The following FCHSD2 variants were observed in gnomAD, a reference collection of about 807,000 sequenced individuals.
FCHSD2 encodes the protein FCH and double SH3 domains 2.
Under a neutral mutation model 108.1 loss-of-function variants are expected in FCHSD2, and 38 were observed. That is an observed-to-expected ratio of 0.35 (90% CI 0.27 to 0.46). The LOEUF is 0.46. Among genes scored for constraint, FCHSD2 ranks in the 20% least tolerant of loss-of-function variants. The probability of loss-of-function intolerance (pLI) is 1.00; values close to 1 mark genes in which losing one functional copy is unlikely to be tolerated. For missense variants in FCHSD2, 751 were observed against 897.8 expected, an observed-to-expected ratio of 0.84 and a Z score of 2.09; for synonymous variants, 279 against 314.7, an observed-to-expected ratio of 0.89 and a Z score of 1.20.
chr11:72,945,534 C>A (rs1269376371), intron 8 of FCHSD2, among the ~76,000 whole-genome samples: 11 of 151,998 alleles, frequency 7.2e-5, no homozygotes, highest in Admixed American at 2.0e-4. Context: ...GCAACAAAAG[C>A]CAAAATTGAC....
chr11:73,030,833 A>C (rs958052732), intron 3 of FCHSD2, among the ~76,000 whole-genome samples: 1 of 152,148 alleles, frequency 6.6e-6, no homozygotes, highest in Non-Finnish European at 1.5e-5. Context: ...TGCCTAGAGC[A>C]CCTAAAGCCT....
At chr11:73,052,717 A>G (rs560158842) in intron 3 of FCHSD2, among the ~76,000 whole-genome samples, 3 of 152,214 alleles carry the variant, frequency 2.0e-5, no homozygotes, top group Non-Finnish European at 1.5e-5. Flanking sequence ...CGGTATTTTT[A>G]ATAATCTTCA....
At position 72,840,890 on chromosome 11, in the gene FCHSD2, C is replaced by T. The variant is rs202178689; in HGVS notation, c.2126G>A (p.Gly709Asp). Residue 709 changes from glycine to aspartate, a missense_variant, in exon 19 of 20, where the codon GGC becomes GAC. By Grantham distance (94) the Gly-to-Asp change is moderately conservative (BLOSUM62 -1). Coordinates refer to ENST00000409418, the MANE Select transcript of FCHSD2 (RefSeq NM_014824.3). Reference sequence around the variant, plus strand: ...TCAGAGACTTACAGGTCGCAGTTTGCCATATGAGGTCTCAGGAGTATGCCT... The same window carrying T: ...TCAGAGACTTACAGGTCGCAGTTTGTCATATGAGGTCTCAGGAGTATGCCT... ...ASRHTPETSY[G>D]KLRPVRAAPP... 1.2e-6 allele frequency: 2 copies of T among 1,610,818 alleles called. No individual in the cohort carries two copies. The highest frequency in any genetic ancestry group is 2.2e-5 in the East Asian group (1 of 44,854).
At chr11:73,129,073 A>G (rs1038106991) in intron 2 of FCHSD2, among the ~76,000 whole-genome samples, 2 of 151,960 alleles carry the variant, frequency 1.3e-5, no homozygotes, top group Admixed American at 1.3e-4. Flanking sequence ...AGATTTCACC[A>G]TGTTAGCCAG....
intron 2 of FCHSD2, among the ~76,000 whole-genome samples, chr11:73,130,402 C>T (rs1322739652): frequency 2.0e-5 from 3 of 152,214 alleles, no homozygotes; most frequent in Non-Finnish European, 4.4e-5. Flanking sequence ...CAGACTAACA[C>T]TTCTATTCTT....
At chr11:73,082,960 AAAG>A (rs2135513723) in intron 3 of FCHSD2, among the ~76,000 whole-genome samples, 1 of 152,330 alleles carries the variant, frequency 6.6e-6, no homozygotes, top group South Asian at 2.1e-4. Flanking sequence ...AAGTAAAATT[AAAG>A]AAGGAAATGC....
chr11:72,967,893 C>T (rs532646530), intron 8 of FCHSD2, among the ~76,000 whole-genome samples: 24 of 151,690 alleles, frequency 1.6e-4, no homozygotes, highest in African/African-American at 5.8e-4. Context: ...AGATTGAGAC[C>T]ATCCTGGCTA....
In FCHSD2 at chr11:72,992,110, C is replaced by A. The variant is rs534201542; in HGVS notation, c.388-3013G>T. Among the ~76,000 whole-genome samples, 16 of 152,262 alleles carry A rather than the reference C, an allele frequency of 1.1e-4. No homozygotes were observed. The South Asian group carries it at 2.3e-3, about 22-fold the overall frequency. On this transcript the variant is annotated intron_variant, in intron 5 of 19. Transcript: ENST00000409418. ...GCAAAAAATCACAAGCATTCTTATA[C>A]ACCAATAACAGACAAACAGAGAGCC...
intron 8 of FCHSD2, among the ~76,000 whole-genome samples, chr11:72,948,413 CTCAT>C (rs1411489734): frequency 6.6e-6 from 1 of 152,104 alleles, no homozygotes; most frequent in Non-Finnish European, 1.5e-5. Context: ...CATTTTTAAT[CTCAT>C]TGTCATCATC....
At chr11:73,073,644 A>C (rs1280390568) in intron 3 of FCHSD2, among the ~76,000 whole-genome samples, 1 of 152,190 alleles carries the variant, frequency 6.6e-6, no homozygotes, top group Non-Finnish European at 1.5e-5. Context: ...TTAGTCAATC[A>C]ATCCTTTGCA....
rs569237649 is a variant in FCHSD2 at position 72,934,388 on chromosome 11, C to CG, written c.706-12439dup. Among the ~76,000 whole-genome samples, 24 of 147,562 alleles carry CG rather than the reference C, an allele frequency of 1.6e-4. No homozygotes were observed. In the East Asian group the frequency reaches 4.9e-3, roughly 30 times the overall value. On this transcript the variant is annotated intron_variant, in intron 8 of 19. Coordinates refer to ENST00000409418, the MANE Select transcript of FCHSD2 (RefSeq NM_014824.3). ...CTCTGTTGCCCAGGCTGGTGTGCAGCGGCACTATCTCGGCTCACTGCAACC... is the reference window on the plus strand; with the variant it reads ...CTCTGTTGCCCAGGCTGGTGTGCAGCGGGCACTATCTCGGCTCACTGCAACC...
intron 8 of FCHSD2, among the ~76,000 whole-genome samples, chr11:72,970,338 C>A (rs535992534): frequency 1.3e-5 from 2 of 152,258 alleles, no homozygotes; most frequent in South Asian, 2.1e-4. Context: ...AAAATACTTA[C>A]AATTCTAATG....
intron 9 of FCHSD2, among the ~76,000 whole-genome samples, chr11:72,915,781 G>A (rs987376962): frequency 6.6e-6 from 1 of 152,134 alleles, no homozygotes; most frequent in Admixed American, 6.5e-5. Context: ...TCACGCCATT[G>A]CTCTCCAGCC....
intron 11 of FCHSD2, among the ~76,000 whole-genome samples, chr11:72,887,935 G>A (rs1384815749): frequency 1.3e-5 from 2 of 152,198 alleles, no homozygotes; most frequent in Non-Finnish European, 2.9e-5. Flanking sequence ...CATTACATAA[G>A]TGGAACACTG....
intron 8 of FCHSD2, among the ~76,000 whole-genome samples, chr11:72,944,902 G>T (rs1450621186): frequency 1.3e-5 from 2 of 152,170 alleles, no homozygotes; most frequent in Non-Finnish European, 2.9e-5. Flanking sequence ...AATAAAAAAG[G>T]ATACAAACAA....
At chr11:72,839,993 G>A (rs1027703485) in intron 19 of FCHSD2, among the ~76,000 whole-genome samples, 1 of 152,144 alleles carries the variant, frequency 6.6e-6, no homozygotes, top group African/African-American at 2.4e-5. Flanking sequence ...AAGCAAACGA[G>A]GCAAATGTAG....
chr11:73,094,792 C>T (rs1860038272), intron 2 of FCHSD2, among the ~76,000 whole-genome samples: 1 of 152,164 alleles, frequency 6.6e-6, no homozygotes, highest in South Asian at 2.1e-4. Flanking sequence ...AATACAGTGG[C>T]TGTTTGTAAA....
chr11:73,006,771 G>T (rs1857750134), intron 4 of FCHSD2, among the ~76,000 whole-genome samples: 2 of 152,206 alleles, frequency 1.3e-5, no homozygotes, highest in Admixed American at 6.5e-5. Context: ...TCATTAGAAT[G>T]TAGGCTCCAT....
At chr11:72,889,060 T>C (rs1855259660) in intron 11 of FCHSD2, among the ~76,000 whole-genome samples, 1 of 152,308 alleles carries the variant, frequency 6.6e-6, no homozygotes, top group South Asian at 2.1e-4. Context: ...GTTCATGCCA[T>C]TCTCCTGCCT....
Sources: gnomAD v4.1 joint callset for allele counts (sites outside exome capture counted in the v4.1 genomes callset) on GRCh38, gnomAD v4.1.1 for gene constraint, MANE v1.5 for transcripts, NCBI Gene and HGNC (gene_info 2026-07-23, HGNC 2026-07-21) for gene names.